KIRREL3: variants seen among roughly 807,000 people sequenced by gnomAD.
KIRREL3 encodes the protein kirre like nephrin family adhesion molecule 3, also known as kin of IRRE-like protein 3.
KIRREL3 carries 36 observed loss-of-function variants against 89.7 expected under a neutral mutation model. The ratio of observed to expected loss-of-function variants is 0.40; its 90% CI spans 0.31 to 0.53. KIRREL3 has a LOEUF of 0.53. Ranked by LOEUF, KIRREL3 falls within the 20% of genes least tolerant of loss-of-function variation. The pLI, the probability that KIRREL3 is intolerant of heterozygous loss-of-function variation, is 0.49. For synonymous variants in KIRREL3, 445 were observed against 441.4 expected, an observed-to-expected ratio of 1.01 and a Z score of -0.10; for missense variants, 864 against 1,056.6, an observed-to-expected ratio of 0.82 and a Z score of 2.53.
intron 11 of KIRREL3, among the ~76,000 whole-genome samples, chr11:126,437,460 CCA>C (rs1041010991): frequency 3.3e-5 from 5 of 152,170 alleles, no homozygotes; most frequent in African/African-American, 1.2e-4. Context: ...TACACACACA[CCA>C]CACTACAAAC....
intron 2 of KIRREL3, among the ~76,000 whole-genome samples, chr11:126,545,813 A>G (rs1283948378): frequency 6.6e-6 from 1 of 152,102 alleles, no homozygotes; most frequent in Non-Finnish European, 1.5e-5. Flanking sequence ...ACAGAGCATG[A>G]GCAGAACAGG....
In KIRREL3 at chr11:126,943,074, G is replaced by C. The variant is rs1363468920; in HGVS notation, c.55+57381C>G. ...CCACCCACTGCAGACAAAGTCTCTTGGGACAAGCCTCTGCTTCAGTGCTCT... is the reference window on the plus strand; with the variant it reads ...CCACCCACTGCAGACAAAGTCTCTTCGGACAAGCCTCTGCTTCAGTGCTCT... On this transcript the variant is annotated intron_variant, in intron 1 of 16. Transcript: ENST00000525144. This position sits in a 1 kb window ranked among gnomAD's most constrained non-coding sequence, Gnocchi z 4.2. Among the ~76,000 whole-genome samples, 2 of 152,184 alleles carry C rather than the reference G, an allele frequency of 1.3e-5. No homozygotes were observed. The highest frequency in any genetic ancestry group is 4.8e-5 in the African/African-American group (2 of 41,442).
chr11:126,924,798 C>G lies in KIRREL3; in HGVS notation c.55+75657G>C, dbSNP rs533559790. On this transcript the variant is annotated intron_variant, in intron 1 of 16. Transcript: ENST00000525144. This position sits in a 1 kb window ranked among gnomAD's most constrained non-coding sequence, Gnocchi z 4.7. ...TGCTCATCCCTGCCCCATCAACACC[C>G]TCACCTCAACCCTCCTGGTTAGCCT... Among the ~76,000 whole-genome samples, 19 of 152,290 alleles carry G rather than the reference C, an allele frequency of 1.2e-4. No homozygotes were observed. The East Asian group carries it at 3.7e-3, about 29-fold the overall frequency.
rs1940200346 is a variant in KIRREL3, at chr11:126,562,488, AGGTCT to A, written c.133+342_133+346del. Among the ~76,000 whole-genome samples the A allele has an allele frequency of 6.6e-6, 1 of 152,154 alleles. No homozygotes were observed. ...TGAGTGATGGAGGAGGCAAGTAGAG[AGGTCT>A]GGATTAGAAATGAAAATAGGAGCAG... is the stretch of plus-strand genomic sequence containing the variant. On this transcript the variant is annotated intron_variant, in intron 2 of 16. Transcript: ENST00000525144. The surrounding 1 kb of genome is among the most constrained non-coding windows in gnomAD (Gnocchi z 4.7).
chr11:126,793,774 CTCA>C (rs1365859859), intron 1 of KIRREL3, among the ~76,000 whole-genome samples: 2 of 152,206 alleles, frequency 1.3e-5, no homozygotes, highest in African/African-American at 4.8e-5. Context: ...CGTGCTCATG[CTCA>C]TGAGACACTC....
At chr11:126,809,129 A>G (rs1490760226) in intron 1 of KIRREL3, among the ~76,000 whole-genome samples, 1 of 152,180 alleles carries the variant, frequency 6.6e-6, no homozygotes, top group Admixed American at 6.5e-5. Context: ...AGAGTCTCAC[A>G]ACATGGAGGC....
intron 1 of KIRREL3, among the ~76,000 whole-genome samples, chr11:126,798,303 C>G (rs191107709): frequency 6.6e-6 from 1 of 152,318 alleles, no homozygotes; most frequent in East Asian, 1.9e-4. Context: ...TGCCAGGACC[C>G]TCCCTTATTG....
chr11:126,857,615 A>C (rs993037084), intron 1 of KIRREL3, among the ~76,000 whole-genome samples: 1 of 151,992 alleles, frequency 6.6e-6, no homozygotes, highest in Non-Finnish European at 1.5e-5. Context: ...TTGATCTGAG[A>C]CTGGTATTTC....
At position 126,997,735 on chromosome 11, in the gene KIRREL3, A is replaced by G. The variant is rs1950216598; in HGVS notation, c.55+2720T>C. Among the ~76,000 whole-genome samples, 1 of 152,206 alleles carries G rather than the reference A, an allele frequency of 6.6e-6. No individual in the cohort carries two copies. The highest frequency in any genetic ancestry group is 1.5e-5 in the Non-Finnish European group (1 of 68,032). Reference sequence around the variant, plus strand: ...GCACTGCTTGGAGCACTCTCTCTGCACGGGGACCAAGATACTGGGAGCATG... The same window carrying G: ...GCACTGCTTGGAGCACTCTCTCTGCGCGGGGACCAAGATACTGGGAGCATG... On this transcript the variant is annotated intron_variant, in intron 1 of 16. Transcript: ENST00000525144. The surrounding 1 kb of genome is among the most constrained non-coding windows in gnomAD (Gnocchi z 4.3).
chr11:126,603,985 C>A (rs1034600792), intron 1 of KIRREL3, among the ~76,000 whole-genome samples: 1 of 152,186 alleles, frequency 6.6e-6, no homozygotes, highest in Non-Finnish European at 1.5e-5. Flanking sequence ...GCCAATCAGC[C>A]AAAGAATGCC....
At chr11:126,735,285 G>A (rs1240100158) in intron 1 of KIRREL3, among the ~76,000 whole-genome samples, 1 of 152,186 alleles carries the variant, frequency 6.6e-6, no homozygotes, top group Non-Finnish European at 1.5e-5. Flanking sequence ...GTGAATCCAC[G>A]TTTGACGAGT....
Position 126,476,979 on chromosome 11 carries a change from A to G in KIRREL3, c.434-3513T>C, listed in dbSNP as rs1001309128. Reference sequence around the variant, plus strand: ...GCCTTTTCGTGATTAATCCGGAGATAAAAATAGTTGACTGTTTTGGTGTTG... The same window carrying G: ...GCCTTTTCGTGATTAATCCGGAGATGAAAATAGTTGACTGTTTTGGTGTTG... On this transcript the variant is annotated intron_variant, in intron 4 of 16. Transcript: ENST00000525144. This position sits in a 1 kb window ranked among gnomAD's most constrained non-coding sequence, Gnocchi z 6.4. Among the ~76,000 whole-genome samples the G allele has an allele frequency of 1.3e-5, 2 of 152,258 alleles. No individual in the cohort carries two copies. Among genetic ancestry groups the G allele is most frequent in the African/African-American group, 4.8e-5 (2 of 41,468 alleles).
In KIRREL3 at chr11:126,837,595, A is replaced by C. The variant is rs1185248926; in HGVS notation, c.55+162860T>G. 5.9e-5 allele frequency among the ~76,000 whole-genome samples: 9 copies of C among 152,252 alleles called. No individual in the cohort carries two copies. The East Asian group carries it at 1.2e-3, about 20-fold the overall frequency. ...CAATCCTCGCTACATCCAGGAACTT[A>C]CTCTGCTGTGAAAGTGTCACAGCAA... On this transcript the variant is annotated intron_variant, in intron 1 of 16. Transcript: ENST00000525144. This position sits in a 1 kb window ranked among gnomAD's most constrained non-coding sequence, Gnocchi z 4.7.
At position 126,903,920 on chromosome 11, in the gene KIRREL3, T is replaced by A. The variant is rs1439226823; in HGVS notation, c.55+96535A>T. Reference sequence around the variant, plus strand: ...TGCATTAGCTTCAGGTGCCCAACAATGAAAGTAATCCCTTGGTTCACCCTG... The same window carrying A: ...TGCATTAGCTTCAGGTGCCCAACAAAGAAAGTAATCCCTTGGTTCACCCTG... On this transcript the variant is annotated intron_variant, in intron 1 of 16. Coordinates refer to ENST00000525144, the MANE Select transcript of KIRREL3 (RefSeq NM_032531.4). This position sits in a 1 kb window ranked among gnomAD's most constrained non-coding sequence, Gnocchi z 4.5. 1.3e-5 allele frequency among the ~76,000 whole-genome samples: 2 copies of A among 152,308 alleles called. No homozygotes were observed. The highest frequency in any genetic ancestry group is 3.9e-4 in the East Asian group (2 of 5,184).
In KIRREL3 at chr11:126,873,300, G is replaced by A. The variant is rs1319690566; in HGVS notation, c.55+127155C>T. On this transcript the variant is annotated intron_variant, in intron 1 of 16. Coordinates refer to ENST00000525144, the MANE Select transcript of KIRREL3 (RefSeq NM_032531.4). ...TTAATGTGATGCAAATGAAGGCTGA[G>A]GTATGCATATAACACAGTCCTTAAA... 2.6e-5 allele frequency among the ~76,000 whole-genome samples: 4 copies of A among 152,094 alleles called. No homozygotes were observed. In the East Asian group the frequency reaches 5.8e-4, roughly 22 times the overall value.
chr11:126,887,139 C>T (rs1179921376), intron 1 of KIRREL3, among the ~76,000 whole-genome samples: 3 of 152,086 alleles, frequency 2.0e-5, no homozygotes, highest in Non-Finnish European at 4.4e-5. Flanking sequence ...AGATGCACTG[C>T]ACACCAAATT....
intron 1 of KIRREL3, among the ~76,000 whole-genome samples, chr11:126,693,558 A>G (rs1164869315): frequency 3.9e-5 from 6 of 152,298 alleles, no homozygotes; most frequent in African/African-American, 1.4e-4. Context: ...TGGCAGGGGA[A>G]CACATAAGTG....
chr11:126,944,361 T>C (rs1948554265), intron 1 of KIRREL3: 2 of 152,190 alleles, frequency 1.3e-5, no homozygotes, highest in Non-Finnish European at 2.9e-5. Flanking sequence ...CGGGGATAAG[T>C]GAGGAAAGAA....
rs1312561020 is a variant in KIRREL3 at position 126,656,956 on chromosome 11, G to A, written c.56-94044C>T. On this transcript the variant is annotated intron_variant, in intron 1 of 16. Transcript: ENST00000525144. This position sits in a 1 kb window ranked among gnomAD's most constrained non-coding sequence, Gnocchi z 4.0. The stretch of plus-strand genomic sequence containing the variant: ...GGTCCTGGCTGCTTGGGAGGCTGAG[G>A]CATGAGAGTGGCTTGAACCCAGGAG... 1.3e-5 allele frequency among the ~76,000 whole-genome samples: 2 copies of A among 151,872 alleles called. No homozygotes were observed. The highest frequency in any genetic ancestry group is 4.8e-5 in the African/African-American group (2 of 41,336).
Sources: allele counts gnomAD v4.1 joint callset (sites outside exome capture counted in the v4.1 genomes callset), GRCh38; gene constraint gnomAD v4.1.1; non-coding constraint Gnocchi (gnomAD v3.1); transcripts MANE v1.5; gene names NCBI Gene and HGNC (gene_info 2026-07-23, HGNC 2026-07-21).